Variants in NSF observed in about 807,000 individuals in gnomAD.
NSF encodes the protein vesicle-fusing ATPase.
Under a neutral mutation model 50.3 loss-of-function variants are expected in NSF, and 14 were observed. The ratio of observed to expected loss-of-function variants is 0.28; its 90% CI spans 0.18 to 0.44. NSF has a LOEUF of 0.44. Among genes scored for constraint, NSF ranks in the 20% least tolerant of loss-of-function variants. The pLI is 1.00. For missense variants in NSF, 218 were observed against 504.3 expected, an observed-to-expected ratio of 0.43 and a Z score of 5.44; for synonymous variants, 109 against 175.7, an observed-to-expected ratio of 0.62 and a Z score of 3.00.
chr17:46,603,659 TCTGA>T (rs1439557016), intron 1 of NSF, among the ~76,000 whole-genome samples: 23 of 55,752 alleles, frequency 4.1e-4, no homozygotes, highest in African/African-American at 9.4e-4. Flanking sequence ...AATTAGGTAC[TCTGA>T]CTGACCTTCC....
chr17:46,723,154 T>A (rs2058849700), intron 15 of NSF, among the ~76,000 whole-genome samples: 1 of 152,166 alleles, frequency 6.6e-6, no homozygotes, highest in Non-Finnish European at 1.5e-5. Context: ...AGTAAGGTCC[T>A]TGCAGCCATA....
At chr17:46,718,007 T>C (rs1398583883) in intron 15 of NSF, among the ~76,000 whole-genome samples, 1 of 152,182 alleles carries the variant, frequency 6.6e-6, no homozygotes, top group African/African-American at 2.4e-5. Context: ...GGTGGTAGCC[T>C]GCTCATCATC....
intron 17 of NSF, among the ~76,000 whole-genome samples, chr17:46,731,111 T>C (rs1260653006): frequency 2.6e-5 from 4 of 152,114 alleles, no homozygotes; most frequent in Non-Finnish European, 5.9e-5. Flanking sequence ...ACTAAACATT[T>C]ATCTGATAAA....
chr17:46,638,786 G>T (rs2058207337), intron 5 of NSF, among the ~76,000 whole-genome samples: 1 of 107,304 alleles, frequency 9.3e-6, no homozygotes, highest in South Asian at 3.7e-4. Context: ...GGGATTACAG[G>T]TGTGAGCCAT....
intron 13 of NSF, 141 bp from the exon 14 acceptor site, chr17:46,710,822 G>A: frequency 1.5e-6 from 1 of 678,378 alleles, no homozygotes; most frequent in South Asian, 3.3e-5. Flanking sequence ...AATTATACAA[G>A]TTGTTTTGCT....
In NSF at chr17:46,737,908, A is replaced by ATATTAT. The variant is rs138655503; in HGVS notation, c.1908+9013_1908+9018dup. On this transcript the variant is annotated intron_variant, in intron 17 of 20. Coordinates refer to ENST00000398238, the MANE Select transcript of NSF (RefSeq NM_006178.4). ...AGGATTTATGTATGCTAAAATTAGC[A>ATATTAT]TATTATTATTATTATTATTATTATT... is the stretch of plus-strand genomic sequence containing the variant. Among the ~76,000 whole-genome samples, 145 of 145,900 alleles carry ATATTAT rather than the reference A, an allele frequency of 9.9e-4. 2 individuals are homozygous for ATATTAT. Among genetic ancestry groups the ATATTAT allele is most frequent in the Middle Eastern group, 3.5e-3 (1 of 284 alleles).
chr17:46,744,010 AGTGCCTAC>A (rs1453583905), intron 17 of NSF, among the ~76,000 whole-genome samples: 3 of 152,150 alleles, frequency 2.0e-5, no homozygotes, highest in Admixed American at 2.0e-4. Context: ...GGGCCTTGCC[AGTGCCTAC>A]TTGTTGTCAT....
At chr17:46,746,717 C>T (rs192255835) in intron 17 of NSF, among the ~76,000 whole-genome samples, 73 of 152,226 alleles carry the variant, frequency 4.8e-4, no homozygotes, top group Admixed American at 4.6e-4. Context: ...ATCTGGTTTC[C>T]AGTCTTGGCT....
intron 17 of NSF, among the ~76,000 whole-genome samples, chr17:46,747,464 G>A (rs1384494853): frequency 6.6e-6 from 1 of 151,974 alleles, no homozygotes; most frequent in Non-Finnish European, 1.5e-5. Context: ...TATTTTTGTT[G>A]AGATGAGGTT....
chr17:46,751,519 A>T lies in NSF; in HGVS notation c.2060A>T (p.Lys687Met), dbSNP rs375174991. Residue 687 changes from lysine to methionine, a missense_variant, in exon 19 of 21, where the codon AAG becomes ATG. Lys to Met is a moderately conservative substitution (Grantham distance 95). Around this residue, in one of 2 missense-constraint regions of NSF, gnomAD observed 209 missense variants for 320.9 expected, o/e 0.65. Coordinates refer to ENST00000398238, the MANE Select transcript of NSF (RefSeq NM_006178.4). Reference sequence around the variant, plus strand: ...TTTTTGTAGCTTTTGGGCAACTTCAAGGATAAGGAACGCACCACAATTGCA... The same window carrying T: ...TTTTTGTAGCTTTTGGGCAACTTCATGGATAAGGAACGCACCACAATTGCA... ...LEALELLGNF[K>M]DKERTTIAQQ... The T allele has an allele frequency of 6.2e-7, 1 of 1,613,864 alleles. No homozygotes were observed. Among genetic ancestry groups the T allele is most frequent in the East Asian group, 2.2e-5 (1 of 44,882 alleles).
At chr17:46,753,768 G>A (rs908056367) in intron 19 of NSF, among the ~76,000 whole-genome samples, 1 of 152,140 alleles carries the variant, frequency 6.6e-6, no homozygotes, top group Admixed American at 6.5e-5. Context: ...GATCTTCAGC[G>A]ACTGACATTT....
At chr17:46,722,311 GTCC>G in intron 15 of NSF, 1 of 726,850 alleles carries the variant, frequency 1.4e-6, no homozygotes, top group South Asian at 1.5e-5. Context: ...TCCAGCCTCA[GTCC>G]TCCTGGCATC....
At chr17:46,685,340 T>C (rs1249854055) in intron 9 of NSF, among the ~76,000 whole-genome samples, 1 of 150,534 alleles carries the variant, frequency 6.6e-6, no homozygotes, top group Non-Finnish European at 1.5e-5. Context: ...GCCAGCCTTT[T>C]CAGTTATACC....
chr17:46,715,371 C>A (rs191573356), intron 15 of NSF, among the ~76,000 whole-genome samples: 296 of 152,324 alleles, frequency 1.9e-3, no homozygotes, highest in Non-Finnish European at 1.1e-3. Flanking sequence ...GATGGGAACC[C>A]TTAACCCACT....
intron 15 of NSF, chr17:46,722,307 C>T: frequency 1.4e-6 from 1 of 733,024 alleles, no homozygotes; most frequent in Non-Finnish European, 2.4e-6. Flanking sequence ...TACCTCCAGC[C>T]TCAGTCCTCC....
chr17:46,711,166 C>A (rs767992961), intron 14 of NSF, 47 bp downstream of exon 14: 13 of 1,443,964 alleles, frequency 9.0e-6, no homozygotes, highest in Non-Finnish European at 1.2e-5. Context: ...GGAAAAAAAG[C>A]AGCATTTTTT....
intron 15 of NSF, among the ~76,000 whole-genome samples, chr17:46,723,580 C>T (rs199453): frequency 0.3 from 45,839 of 152,036 alleles, 7,684 homozygotes; most frequent in East Asian, 0.61. Flanking sequence ...AAGGCCCTTC[C>T]CTTCTTGCTC....
At chr17:46,657,353 A>AC (rs2058267659) in intron 8 of NSF, among the ~76,000 whole-genome samples, 2 of 151,944 alleles carry the variant, frequency 1.3e-5, no homozygotes, top group Non-Finnish European at 2.9e-5. Flanking sequence ...AAATAGAAAT[A>AC]TAAAAAATAT....
At chr17:46,712,145 T>G (rs73321060) in intron 14 of NSF, among the ~76,000 whole-genome samples, 221 of 152,150 alleles carry the variant, frequency 1.5e-3, no homozygotes, top group African/African-American at 5.0e-3. Flanking sequence ...TTAATGAGAG[T>G]CGATTGTGGT....
Sources: gnomAD v4.1 joint callset for allele counts (sites outside exome capture counted in the v4.1 genomes callset) on GRCh38, gnomAD v4.1.1 for gene constraint, gnomAD v4.1.1 regional missense constraint, MANE v1.5 for transcripts, NCBI Gene and HGNC (gene_info 2026-07-23, HGNC 2026-07-21) for gene names.